The following MACROD2 variants were observed in gnomAD, a reference collection of about 807,000 sequenced individuals.
MACROD2 encodes mono-ADP ribosylhydrolase 2, also known as ADP-ribose glycohydrolase MACROD2.
MACROD2 carries 36 observed loss-of-function variants against 70.4 expected under a neutral mutation model. The observed-to-expected ratio is 0.51, with a 90% confidence interval of 0.39 to 0.68. The LOEUF (loss-of-function observed/expected upper bound fraction) is 0.68. Among genes scored for constraint, MACROD2 ranks in the 30% least tolerant of loss-of-function variants. MACROD2 has a pLI of 0.00. For missense variants in MACROD2, 496 were observed against 538.4 expected, an observed-to-expected ratio of 0.92 and a Z score of 0.78; for synonymous variants, 172 against 178.8, an observed-to-expected ratio of 0.96 and a Z score of 0.30.
At chr20:14,120,088 C>T (rs1158198903) in intron 3 of MACROD2, among the ~76,000 whole-genome samples, 2 of 151,600 alleles carry the variant, frequency 1.3e-5, no homozygotes, top group African/African-American at 4.8e-5. Context: ...TGGTGAGCAC[C>T]TGTAATCCTA....
intron 10 of MACROD2, among the ~76,000 whole-genome samples, chr20:15,931,154 C>G (rs1239544623): frequency 6.6e-6 from 1 of 152,214 alleles, no homozygotes; most frequent in Non-Finnish European, 1.5e-5. Context: ...TTGGCACATG[C>G]TCCTGCACCA....
Position 14,462,504 on chromosome 20 carries a change from A to G in MACROD2, c.272-30975A>G, listed in dbSNP as rs560465868. 1.1e-4 allele frequency among the ~76,000 whole-genome samples: 17 copies of G among 151,994 alleles called. No individual in the cohort carries two copies. In the South Asian group the frequency reaches 3.3e-3, roughly 30 times the overall value. ...TAGGTTGCCTGTTCACTCTGATGGT[A>G]GTTTCTTTTGCTGTGCAGAAGCTCT... On this transcript the variant is annotated intron_variant, in intron 3 of 17. Transcript: ENST00000684519.
At chr20:15,061,233 G>A (rs926781996) in intron 5 of MACROD2, among the ~76,000 whole-genome samples, 14 of 152,052 alleles carry the variant, frequency 9.2e-5, no homozygotes, top group Non-Finnish European at 1.5e-4. Context: ...CACTCCCTCC[G>A]TACTCACCTG....
chr20:14,885,269 C>T (rs1435869023), intron 5 of MACROD2, among the ~76,000 whole-genome samples: 2 of 152,132 alleles, frequency 1.3e-5, no homozygotes, highest in Non-Finnish European at 2.9e-5. Context: ...TCTTATCTTT[C>T]TCTTCTTGAC....
At chr20:15,020,990 A>G (rs980884365) in intron 5 of MACROD2, among the ~76,000 whole-genome samples, 1 of 148,584 alleles carries the variant, frequency 6.7e-6, no homozygotes, top group Non-Finnish European at 1.5e-5. Context: ...ACATGTGTGT[A>G]TATGTATATG....
At chr20:15,952,273 C>G (rs2065917459) in intron 12 of MACROD2, among the ~76,000 whole-genome samples, 1 of 152,078 alleles carries the variant, frequency 6.6e-6, no homozygotes, top group African/African-American at 2.4e-5. Context: ...CATAATGAGA[C>G]AAATATTTCT....
At chr20:14,185,053 A>G (rs1036675865) in intron 3 of MACROD2, among the ~76,000 whole-genome samples, 2 of 152,086 alleles carry the variant, frequency 1.3e-5, no homozygotes, top group African/African-American at 4.8e-5. Flanking sequence ...CATACCTAGA[A>G]CTGTAGGGTG....
chr20:14,685,868 A>T (rs2070995830), intron 5 of MACROD2, among the ~76,000 whole-genome samples: 1 of 152,190 alleles, frequency 6.6e-6, no homozygotes, highest in Admixed American at 6.5e-5. Flanking sequence ...AAAATTTATA[A>T]TACAACCTAT....
At chr20:15,882,217 C>T (rs2064764352) in intron 9 of MACROD2, among the ~76,000 whole-genome samples, 1 of 152,020 alleles carries the variant, frequency 6.6e-6, no homozygotes, top group African/African-American at 2.4e-5. Context: ...ATGGGAGAAT[C>T]GCATGAGAAT....
rs1473200522 is a variant in MACROD2, at chr20:16,017,694, T to C, written c.1154-23507T>C. ...AGGAGAAACATCTGTTTCTGCATCT[T>C]CACATAGTTGACTCCTCAGAGTACA... On this transcript the variant is annotated intron_variant, in intron 15 of 17. Coordinates refer to ENST00000684519, the MANE Select transcript of MACROD2 (RefSeq NM_001351661.2). Among the ~76,000 whole-genome samples the C allele has an allele frequency of 3.3e-5, 5 of 152,212 alleles. No homozygotes were observed. In the East Asian group the frequency reaches 9.6e-4, roughly 29 times the overall value.
intron 5 of MACROD2, among the ~76,000 whole-genome samples, chr20:14,821,845 T>A (rs1373476098): frequency 6.6e-6 from 1 of 152,068 alleles, no homozygotes; most frequent in African/African-American, 2.4e-5. Context: ...GGTGTACTCA[T>A]GAGTAAAGCC....
At chr20:14,187,065 C>T (rs2081350741) in intron 3 of MACROD2, among the ~76,000 whole-genome samples, 1 of 150,776 alleles carries the variant, frequency 6.6e-6, no homozygotes, top group Admixed American at 6.6e-5. Flanking sequence ...GTACAATTTA[C>T]CCATGTAACA....
intron 5 of MACROD2, among the ~76,000 whole-genome samples, chr20:15,208,798 G>A (rs777820905): frequency 2.0e-5 from 3 of 152,180 alleles, no homozygotes; most frequent in Non-Finnish European, 4.4e-5. Context: ...TAGTGAGGAG[G>A]CCTGCTGGGT....
At chr20:15,584,045 T>G (rs983740588) in intron 8 of MACROD2, among the ~76,000 whole-genome samples, 1 of 152,238 alleles carries the variant, frequency 6.6e-6, no homozygotes, top group Non-Finnish European at 1.5e-5. Flanking sequence ...AAGTTAGGAG[T>G]AATTTTCTAT....
intron 5 of MACROD2, chr20:15,021,798 GA>G (rs747487817): frequency 1.3e-4 from 20 of 151,908 alleles, no homozygotes; most frequent in Non-Finnish European, 2.5e-4. Context: ...AAAACTCATA[GA>G]GCTATGTAAC....
Position 16,032,568 on chromosome 20 carries a change from A to G in MACROD2, c.1154-8633A>G, listed in dbSNP as rs576144527. The stretch of plus-strand genomic sequence containing the variant: ...AAAGAAGGGAGGCAGGGAAGGAGAG[A>G]AGGAGAAACTAGGATGCAGGAAGGA... On this transcript the variant is annotated intron_variant, in intron 15 of 17. Transcript: ENST00000684519. Among the ~76,000 whole-genome samples the G allele has an allele frequency of 1.5e-4, 23 of 151,346 alleles. No individual in the cohort carries two copies. The South Asian group carries it at 4.6e-3, about 30-fold the overall frequency.
intron 6 of MACROD2, among the ~76,000 whole-genome samples, chr20:15,307,253 T>C (rs946073256): frequency 1.1e-4 from 17 of 152,186 alleles, no homozygotes; most frequent in African/African-American, 3.9e-4. Context: ...AGGGAAAGCT[T>C]TGGACTCTGA....
intron 8 of MACROD2, among the ~76,000 whole-genome samples, chr20:15,816,219 T>C (rs554191997): frequency 1.3e-5 from 2 of 152,288 alleles, no homozygotes; most frequent in East Asian, 3.9e-4. Flanking sequence ...ATTGATATAT[T>C]GCAAATTATC....
At chr20:15,194,733 G>T (rs1012195388) in intron 5 of MACROD2, among the ~76,000 whole-genome samples, 1 of 151,982 alleles carries the variant, frequency 6.6e-6, no homozygotes, top group Admixed American at 6.6e-5. Context: ...CTAACCTTTA[G>T]ATCTTAGTAT....
Sources: allele counts gnomAD v4.1 joint callset (sites outside exome capture counted in the v4.1 genomes callset), GRCh38; gene constraint gnomAD v4.1.1; transcripts MANE v1.5; gene names NCBI Gene and HGNC (gene_info 2026-07-23, HGNC 2026-07-21).